The following RBFOX1 variants were observed in gnomAD, a reference collection of about 807,000 sequenced individuals.
RBFOX1 encodes the protein RNA binding protein fox-1 homolog 1.
Under a neutral mutation model 57.7 loss-of-function variants are expected in RBFOX1, and 8 were observed. The observed-to-expected ratio is 0.14, with a 90% CI of 0.08 to 0.25. RBFOX1 has a LOEUF of 0.25. RBFOX1 is among the 10% of genes least tolerant of loss of function. RBFOX1 has a pLI of 1.00. For synonymous variants in RBFOX1, 326 were observed against 222.4 expected, an observed-to-expected ratio of 1.47 and a Z score of -4.15; for missense variants, 611 against 548.5, an observed-to-expected ratio of 1.11 and a Z score of -1.14.
At chr16:5,434,665 T>G (rs1269274536) in intron 1 of RBFOX1, among the ~76,000 whole-genome samples, 3 of 152,206 alleles carry the variant, frequency 2.0e-5, no homozygotes, top group Non-Finnish European at 4.4e-5. Context: ...GCTAATAACC[T>G]TATTTCTTCG....
At chr16:6,392,992 G>C (rs373006455) in intron 2 of RBFOX1, among the ~76,000 whole-genome samples, 2 of 152,182 alleles carry the variant, frequency 1.3e-5, no homozygotes, top group African/African-American at 4.8e-5. Flanking sequence ...CACTAAATCA[G>C]ACAAGGAACT....
intron 2 of RBFOX1, among the ~76,000 whole-genome samples, chr16:5,475,728 C>T (rs2069298026): frequency 6.6e-6 from 1 of 152,194 alleles, no homozygotes; most frequent in Non-Finnish European, 1.5e-5. Context: ...TTTGAGGTTT[C>T]ATAAGATGCC....
chr16:6,603,667 A>C (rs1424212558), intron 2 of RBFOX1, among the ~76,000 whole-genome samples: 1 of 152,164 alleles, frequency 6.6e-6, no homozygotes, highest in Non-Finnish European at 1.5e-5. Flanking sequence ...GGCTGACTGT[A>C]GTGTGAACAT....
intron 1 of RBFOX1, among the ~76,000 whole-genome samples, chr16:6,255,869 C>T (rs534948212): frequency 2.6e-5 from 4 of 151,556 alleles, no homozygotes; most frequent in South Asian, 2.1e-4. Context: ...GGGAGGAGAA[C>T]GTCACACACC....
chr16:7,180,362 A>T (rs1043521864), intron 4 of RBFOX1, among the ~76,000 whole-genome samples: 1 of 152,174 alleles, frequency 6.6e-6, no homozygotes, highest in Non-Finnish European at 1.5e-5. Context: ...GATACCACAC[A>T]CAAGAAAGGG....
At chr16:7,308,297 G>GGTT (rs1555692670) in intron 4 of RBFOX1, among the ~76,000 whole-genome samples, 1 of 144,616 alleles carries the variant, frequency 6.9e-6, no homozygotes, top group East Asian at 2.1e-4. Context: ...ACCCAGAGCT[G>GGTT]TTTTTTTTTT....
chr16:6,502,958 A>G (rs531286468), intron 2 of RBFOX1, among the ~76,000 whole-genome samples: 2 of 152,212 alleles, frequency 1.3e-5, no homozygotes, highest in Non-Finnish European at 2.9e-5. Flanking sequence ...ATCTGATATT[A>G]TGGAAAGAAG....
At chr16:6,084,925 T>A (rs915722258) in intron 1 of RBFOX1, among the ~76,000 whole-genome samples, 5 of 152,212 alleles carry the variant, frequency 3.3e-5, no homozygotes, top group African/African-American at 1.2e-4. Flanking sequence ...CAGTTTCTGC[T>A]ATTTTTCTTG....
chr16:6,678,223 C>G (rs543786258), intron 3 of RBFOX1, among the ~76,000 whole-genome samples: 2 of 152,256 alleles, frequency 1.3e-5, no homozygotes, highest in South Asian at 4.1e-4. Flanking sequence ...TCCTTGAGTT[C>G]AAGCATTTAT....
At chr16:6,313,217 G>T (rs1378818918) in intron 1 of RBFOX1, among the ~76,000 whole-genome samples, 1 of 152,158 alleles carries the variant, frequency 6.6e-6, no homozygotes, top group Non-Finnish European at 1.5e-5. Flanking sequence ...AATAAATAAG[G>T]CTGGAGCTGT....
At chr16:6,293,726 A>G (rs369545546) in intron 1 of RBFOX1, among the ~76,000 whole-genome samples, 3 of 142,552 alleles carry the variant, frequency 2.1e-5, no homozygotes, top group South Asian at 4.4e-4. Flanking sequence ...CTCTACTGAG[A>G]AAAGGTACTT....
intron 1 of RBFOX1, among the ~76,000 whole-genome samples, chr16:6,070,171 T>C (rs1460614831): frequency 1.3e-5 from 2 of 152,184 alleles, no homozygotes; most frequent in South Asian, 4.1e-4. Flanking sequence ...AACTAAACTT[T>C]TCAGAAACAA....
intron 4 of RBFOX1, among the ~76,000 whole-genome samples, chr16:7,134,393 G>A (rs2071342762): frequency 6.6e-6 from 1 of 152,174 alleles, no homozygotes; most frequent in South Asian, 2.1e-4. Flanking sequence ...AGGATTTATA[G>A]TGATGGTGAT....
At chr16:6,046,707 C>G (rs2095499385) in intron 1 of RBFOX1, among the ~76,000 whole-genome samples, 1 of 152,140 alleles carries the variant, frequency 6.6e-6, no homozygotes, top group South Asian at 2.1e-4. Context: ...ATCTTAGACT[C>G]AAGGTAACCT....
At chr16:5,545,916 A>G (rs4531734) in intron 2 of RBFOX1, among the ~76,000 whole-genome samples, 100,777 of 151,970 alleles carry the variant, frequency 0.66, 34,887 homozygotes, top group East Asian at 0.99. Context: ...AAGATCTATT[A>G]TAAAATCCAG....
intron 3 of RBFOX1, among the ~76,000 whole-genome samples, chr16:6,813,725 C>T (rs1356314781): frequency 6.6e-6 from 1 of 152,172 alleles, no homozygotes; most frequent in African/African-American, 2.4e-5. Flanking sequence ...TCTTCTCCCT[C>T]TGTCCCTAGT....
At chr16:6,659,425 T>C (rs1320556383) in intron 3 of RBFOX1, among the ~76,000 whole-genome samples, 2 of 152,186 alleles carry the variant, frequency 1.3e-5, no homozygotes, top group African/African-American at 4.8e-5. Context: ...TGGTTAACAC[T>C]GAGAGTTCTG....
At chr16:7,296,155 G>A (rs181955549) in intron 4 of RBFOX1, among the ~76,000 whole-genome samples, 2 of 151,278 alleles carry the variant, frequency 1.3e-5, no homozygotes, top group African/African-American at 4.9e-5. Context: ...ATTTTCGACA[G>A]ACTGCAGCTA....
chr16:7,275,039 G>A (rs1319536898), intron 4 of RBFOX1, among the ~76,000 whole-genome samples: 2 of 152,156 alleles, frequency 1.3e-5, no homozygotes, highest in Non-Finnish European at 2.9e-5. Flanking sequence ...GCAGGTGGTC[G>A]AAGGGTGGTG....
Sources: allele counts gnomAD v4.1 joint callset (sites outside exome capture counted in the v4.1 genomes callset), GRCh38; gene constraint gnomAD v4.1.1; transcripts MANE v1.5; gene names NCBI Gene and HGNC (gene_info 2026-07-23, HGNC 2026-07-21).